The following LRRC8D variants were observed in gnomAD, a reference collection of about 807,000 sequenced individuals.
LRRC8D encodes the protein volume-regulated anion channel subunit LRRC8D.
A neutral mutation model predicts 55.8 loss-of-function variants in LRRC8D; 20 were observed. That is an observed-to-expected ratio of 0.36 (90% CI 0.25 to 0.52). LRRC8D has a LOEUF of 0.52. Among genes scored for constraint, LRRC8D ranks in the 20% least tolerant of loss-of-function variants. The pLI is 0.93. For missense variants in LRRC8D, 651 were observed against 1,030.8 expected, an observed-to-expected ratio of 0.63 and a Z score of 5.05; for synonymous variants, 352 against 377.0, an observed-to-expected ratio of 0.93 and a Z score of 0.77.
rs776902642 is a variant in LRRC8D at position 89,933,935 on chromosome 1, G to A, written c.867G>A (p.Glu289=). ...GAGAGCAGGCCAAAGCCCTGTTTGAGAAAGTGAGGAAGTTCCGTGCCCATG... is the reference window on the plus strand; with the variant it reads ...GAGAGCAGGCCAAAGCCCTGTTTGAAAAAGTGAGGAAGTTCCGTGCCCATG... ...KDGEQAKALF[E]KVRKFRAHVE... Residue 289 remains glutamate, a synonymous_variant, in exon 3 of 3, where the codon GAG becomes GAA. Transcript: ENST00000337338. The surrounding 1 kb of genome is among the most constrained non-coding windows in gnomAD (Gnocchi z 7.0). 12 of 1,614,074 alleles carry A rather than the reference G, an allele frequency of 7.4e-6. No homozygotes were observed. Among genetic ancestry groups the A allele is most frequent in the Non-Finnish European group, 9.3e-6 (11 of 1,179,980 alleles).
At chr1:89,825,911 A>G (rs1181543657) in intron 1 of LRRC8D, among the ~76,000 whole-genome samples, 1 of 152,202 alleles carries the variant, frequency 6.6e-6, no homozygotes, top group East Asian at 1.9e-4. Flanking sequence ...GAAAATTTCA[A>G]ATCTCATGGC....
intron 1 of LRRC8D, among the ~76,000 whole-genome samples, chr1:89,828,106 A>G (rs887984238): frequency 6.6e-6 from 1 of 152,204 alleles, no homozygotes; most frequent in Non-Finnish European, 1.5e-5. Flanking sequence ...AAGGCTGGGT[A>G]CTGACTGAAG....
intron 2 of LRRC8D, among the ~76,000 whole-genome samples, chr1:89,863,274 A>AG (rs1661766151): frequency 6.6e-6 from 1 of 152,236 alleles, no homozygotes; most frequent in South Asian, 2.1e-4. Flanking sequence ...GTGCAGCACA[A>AG]GCATTGGTTG....
chr1:89,891,623 T>G (rs141416716), intron 2 of LRRC8D, among the ~76,000 whole-genome samples: 41 of 152,338 alleles, frequency 2.7e-4, no homozygotes, highest in African/African-American at 9.1e-4. Flanking sequence ...TCTACATATA[T>G]TATTTGGAAT....
chr1:89,924,676 C>T (rs1296686604), intron 2 of LRRC8D, among the ~76,000 whole-genome samples: 1 of 152,086 alleles, frequency 6.6e-6, no homozygotes, highest in Non-Finnish European at 1.5e-5. Flanking sequence ...TGCCCGTTGA[C>T]AGTGGACTGG....
rs141973155 is a variant in LRRC8D at position 89,934,851 on chromosome 1, G to A, written c.1783G>A (p.Val595Met). The A allele has an allele frequency of 3.7e-6, 6 of 1,614,046 alleles. No individual in the cohort carries two copies. The highest frequency in any genetic ancestry group is 1.7e-5 in the Admixed American group (1 of 60,006). The change falls in exon 3 of 3, where the codon GTG (valine) becomes ATG (methionine). Residue 595 changes from valine (V) to methionine (M), a missense_variant. By Grantham distance (21) the Val-to-Met change is conservative. Around this residue, in one of 5 missense-constraint regions of LRRC8D, gnomAD observed 338 missense variants for 479.4 expected, o/e 0.71. Coordinates refer to ENST00000337338, the MANE Select transcript of LRRC8D (RefSeq NM_001134479.2). The surrounding 1 kb of genome is among the most constrained non-coding windows in gnomAD (Gnocchi z 5.9). ...GTTGCGGCACCTTAAGATTCTCCAC[G>A]TGAAGAGCAATTTGACCAAAGTTCC... ...RELRHLKILH[V>M]KSNLTKVPSN...
intron 2 of LRRC8D, among the ~76,000 whole-genome samples, chr1:89,900,950 C>T (rs564957069): frequency 6.6e-6 from 1 of 152,264 alleles, no homozygotes; most frequent in African/African-American, 2.4e-5. Flanking sequence ...CAGGGAATGT[C>T]AGGGGTGCAT....
chr1:89,932,332 T>G (rs1286616847), intron 2 of LRRC8D, among the ~76,000 whole-genome samples: 1 of 152,166 alleles, frequency 6.6e-6, no homozygotes. Flanking sequence ...TCCATAGGAC[T>G]GCATCAAAGG....
chr1:89,878,022 T>A (rs1199982777), intron 2 of LRRC8D, among the ~76,000 whole-genome samples: 1 of 152,174 alleles, frequency 6.6e-6, no homozygotes, highest in East Asian at 1.9e-4. Flanking sequence ...TTTGTGTAAA[T>A]GATAGCAGTG....
Position 89,933,854 on chromosome 1 carries a change from A to G in LRRC8D, c.786A>G (p.Ser262=). 6.2e-7 allele frequency: 1 copy of G among 1,613,898 alleles called. No homozygotes were observed. The highest frequency in any genetic ancestry group is 8.5e-7 in the Non-Finnish European group (1 of 1,179,876). The part of the protein sequence containing the change: ...PMINKTGFKF[S]AEKPVIEVPS... ...TCAATAAAACTGGCTTTAAATTTTC[A>G]GCTGAGAAGCCTGTGATTGAAGTTC... is the stretch of plus-strand genomic sequence containing the variant. Residue 262 remains serine (S), a synonymous_variant, in exon 3 of 3, where the codon TCA becomes TCG. Transcript: ENST00000337338. The surrounding 1 kb of genome is among the most constrained non-coding windows in gnomAD (Gnocchi z 7.0).
At chr1:89,918,883 T>C (rs1259866668) in intron 2 of LRRC8D, among the ~76,000 whole-genome samples, 1 of 152,236 alleles carries the variant, frequency 6.6e-6, no homozygotes, top group Non-Finnish European at 1.5e-5. Context: ...TTGGTTCAGG[T>C]TGGGTGCCTT....
chr1:89,874,254 C>G (rs899532689), intron 2 of LRRC8D, among the ~76,000 whole-genome samples: 2 of 152,120 alleles, frequency 1.3e-5, no homozygotes, highest in African/African-American at 4.8e-5. Flanking sequence ...TTGTAGACCC[C>G]TAAATTCGGA....
intron 2 of LRRC8D, among the ~76,000 whole-genome samples, chr1:89,890,239 T>C (rs1334045438): frequency 1.3e-5 from 2 of 151,956 alleles, no homozygotes; most frequent in Non-Finnish European, 2.9e-5. Context: ...CCAAAAACAT[T>C]GTAGGAGAGG....
At chr1:89,888,919 T>C (rs1662491915) in intron 2 of LRRC8D, among the ~76,000 whole-genome samples, 1 of 152,114 alleles carries the variant, frequency 6.6e-6, no homozygotes, top group African/African-American at 2.4e-5. Context: ...ATGAGGGAAA[T>C]AGACAAATCT....
chr1:89,917,428 C>T (rs1226001791), intron 2 of LRRC8D, among the ~76,000 whole-genome samples: 2 of 152,194 alleles, frequency 1.3e-5, no homozygotes, highest in Non-Finnish European at 2.9e-5. Context: ...TGACTTAAAA[C>T]TGCCCTTAGT....
At chr1:89,829,696 G>A (rs553779703) in intron 1 of LRRC8D, among the ~76,000 whole-genome samples, 7 of 152,280 alleles carry the variant, frequency 4.6e-5, no homozygotes, top group East Asian at 1.9e-4. Flanking sequence ...GCGGCATCCC[G>A]GCATTTAGGC....
chr1:89,925,706 T>G (rs528217049), intron 2 of LRRC8D, among the ~76,000 whole-genome samples: 15 of 152,400 alleles, frequency 9.8e-5, no homozygotes, highest in African/African-American at 3.4e-4. Flanking sequence ...ACTTTTGTTT[T>G]CAAAGTGCTT....
Position 89,934,106 on chromosome 1 carries a change from G to A in LRRC8D, c.1038G>A (p.Leu346=). The A allele has an allele frequency of 4.3e-6, 7 of 1,614,196 alleles. No homozygotes were observed. Among genetic ancestry groups the A allele is most frequent in the Non-Finnish European group, 5.1e-6 (6 of 1,180,026 alleles). Residue 346 remains leucine (L), a synonymous_variant, in exon 3 of 3, where the codon CTG becomes CTA. Coordinates refer to ENST00000337338, the MANE Select transcript of LRRC8D (RefSeq NM_001134479.2). This position sits in a 1 kb window ranked among gnomAD's most constrained non-coding sequence, Gnocchi z 5.9. ...EHVCKPKVEH[L]IGYEVFECTH... is the part of the protein sequence containing the mutation. ...TCTGCAAGCCCAAAGTTGAGCATCT[G>A]ATTGGTTATGAGGTATTTGAGTGCA...
intron 2 of LRRC8D, among the ~76,000 whole-genome samples, chr1:89,845,473 G>C (rs1273485515): frequency 6.6e-6 from 1 of 152,170 alleles, no homozygotes; most frequent in Non-Finnish European, 1.5e-5. Flanking sequence ...TTTTCATTCT[G>C]TCACCCAGGC....
Sources: allele counts gnomAD v4.1 joint callset (sites outside exome capture counted in the v4.1 genomes callset), GRCh38; gene constraint gnomAD v4.1.1; regional missense constraint gnomAD v4.1.1; non-coding constraint Gnocchi (gnomAD v3.1); transcripts MANE v1.5; gene names NCBI Gene and HGNC (gene_info 2026-07-23, HGNC 2026-07-21).